Variants in BACH2 observed in about 807,000 individuals in gnomAD.
The protein encoded by BACH2 is transcription regulator protein BACH2.
BACH2 carries 5 observed loss-of-function variants against 61.8 expected under a neutral mutation model. The observed-to-expected ratio is 0.08, with a 90% confidence interval of 0.04 to 0.17. BACH2 has a LOEUF of 0.17. Ranked by LOEUF, BACH2 falls within the 10% of genes least tolerant of loss-of-function variation. The probability of loss-of-function intolerance (pLI) is 1.00; values close to 1 mark genes in which losing one functional copy is unlikely to be tolerated. For synonymous variants in BACH2, 446 were observed against 440.1 expected, an observed-to-expected ratio of 1.01 and a Z score of -0.17; for missense variants, 824 against 1,091.1, an observed-to-expected ratio of 0.76 and a Z score of 3.45.
intron 4 of BACH2, among the ~76,000 whole-genome samples, chr6:90,177,269 G>C (rs1768011979): frequency 6.6e-6 from 1 of 152,096 alleles, no homozygotes; most frequent in African/African-American, 2.4e-5. Context: ...CTACACTGCA[G>C]ACTACTTGAG....
At chr6:90,085,452 G>C (rs1252003539) in intron 5 of BACH2, among the ~76,000 whole-genome samples, 1 of 152,156 alleles carries the variant, frequency 6.6e-6, no homozygotes, top group African/African-American at 2.4e-5. Flanking sequence ...GGAGGAACTG[G>C]AGCAGCCCCA....
chr6:90,223,454 A>G (rs960521570), intron 3 of BACH2, among the ~76,000 whole-genome samples: 4 of 152,148 alleles, frequency 2.6e-5, no homozygotes, highest in African/African-American at 9.7e-5. Flanking sequence ...TGGGGCTTTC[A>G]GATAGTAAGG....
chr6:90,084,785 G>A (rs1174423205), intron 5 of BACH2, among the ~76,000 whole-genome samples: 1 of 151,756 alleles, frequency 6.6e-6, no homozygotes, highest in Non-Finnish European at 1.5e-5. Flanking sequence ...TCTGCTATAG[G>A]GCCTCTGTAA....
At chr6:90,045,188 T>C (rs1779720800) in intron 5 of BACH2, among the ~76,000 whole-genome samples, 1 of 152,214 alleles carries the variant, frequency 6.6e-6, no homozygotes, top group African/African-American at 2.4e-5. Context: ...TCTAGATGGC[T>C]AATCCAGACT....
At chr6:89,978,472 T>C (rs181938491) in intron 6 of BACH2, among the ~76,000 whole-genome samples, 2 of 152,234 alleles carry the variant, frequency 1.3e-5, no homozygotes, top group Admixed American at 1.3e-4. Flanking sequence ...TAATTAACTA[T>C]AGGCTTCTCG....
chr6:89,962,039 T>C (rs1331859968), intron 6 of BACH2, among the ~76,000 whole-genome samples: 1 of 152,226 alleles, frequency 6.6e-6, no homozygotes, highest in Non-Finnish European at 1.5e-5. Flanking sequence ...AAAACTACTA[T>C]TCAGTCAAAT....
chr6:90,157,393 A>G (rs530052964), intron 4 of BACH2, among the ~76,000 whole-genome samples: 66 of 152,346 alleles, frequency 4.3e-4, no homozygotes, highest in African/African-American at 1.5e-3. Context: ...TTATTCATTC[A>G]CTCATGATAT....
chr6:90,049,548 G>A (rs756488282), intron 5 of BACH2, among the ~76,000 whole-genome samples: 6 of 152,198 alleles, frequency 3.9e-5, no homozygotes, highest in Non-Finnish European at 7.3e-5. Context: ...GATGCTGTAT[G>A]TCTTTTTCAC....
chr6:89,937,113 G>C (rs1773072196), intron 8 of BACH2, among the ~76,000 whole-genome samples: 1 of 152,070 alleles, frequency 6.6e-6, no homozygotes, highest in South Asian at 2.1e-4. Context: ...GGGAGCCTGG[G>C]AGACGGGAGT....
intron 1 of BACH2, among the ~76,000 whole-genome samples, chr6:90,279,522 C>CAAAAA (rs10637718): frequency 8.1e-6 from 1 of 124,190 alleles, no homozygotes; most frequent in African/African-American, 3.0e-5. Flanking sequence ...GACTCCGTCT[C>CAAAAA]AAAAAAAAAA....
chr6:90,182,224 T>TAA (rs1768189842), intron 4 of BACH2, among the ~76,000 whole-genome samples: 1 of 152,128 alleles, frequency 6.6e-6, no homozygotes, highest in African/African-American at 2.4e-5. Flanking sequence ...CAAAGACACT[T>TAA]TTCTCTCTCT....
At position 90,038,476 on chromosome 6, in the gene BACH2, A is replaced by T. The variant is rs555700309; in HGVS notation, c.-12-29620T>A. On this transcript the variant is annotated intron_variant, in intron 5 of 8. Coordinates refer to ENST00000257749, the MANE Select transcript of BACH2 (RefSeq NM_021813.4). ...GTGAGGTTCATCCATGTTGTTGTGT[A>T]TAAGAGTGGTTTCTTCTAAAGATGG... is the stretch of plus-strand genomic sequence containing the variant. Among the ~76,000 whole-genome samples, 10 of 152,324 alleles carry T rather than the reference A, an allele frequency of 6.6e-5. No homozygotes were observed. In the South Asian group the frequency reaches 1.9e-3, roughly 28 times the overall value.
At chr6:90,158,721 T>C (rs1056611732) in intron 4 of BACH2, among the ~76,000 whole-genome samples, 2 of 143,670 alleles carry the variant, frequency 1.4e-5, no homozygotes, top group African/African-American at 2.6e-5. Context: ...GAGGTAACGA[T>C]ATGGAGATGG....
rs987741782 is a variant in BACH2 at position 90,131,272 on chromosome 6, T to C, written c.-161-42163A>G. On this transcript the variant is annotated intron_variant, in intron 4 of 8. Coordinates refer to ENST00000257749, the MANE Select transcript of BACH2 (RefSeq NM_021813.4). The stretch of plus-strand genomic sequence containing the variant: ...CAGAAATTCCACACTCACAGCCTGC[T>C]TCAAGTCCTGTGTCAGCTGCTGAAT... 5.2e-4 allele frequency among the ~76,000 whole-genome samples: 79 copies of C among 152,242 alleles called. 1 individual carries two copies. The highest frequency in any genetic ancestry group is 1.8e-3 in the African/African-American group (74 of 41,466).
At chr6:90,011,891 G>T (rs1283170300) in intron 5 of BACH2, among the ~76,000 whole-genome samples, 3 of 150,014 alleles carry the variant, frequency 2.0e-5, no homozygotes, top group African/African-American at 4.9e-5. Context: ...CTGCACTCCA[G>T]CCTGGGTGAC....
At chr6:90,156,816 T>C (rs1785010055) in intron 4 of BACH2, among the ~76,000 whole-genome samples, 2 of 152,074 alleles carry the variant, frequency 1.3e-5, no homozygotes, top group South Asian at 2.1e-4. Context: ...TGGAGAAAAG[T>C]AGGGTCTAAA....
In BACH2 at chr6:90,254,595, A is replaced by G. The variant is rs6902722; in HGVS notation, c.-352-2005T>C. 6.5e-3 allele frequency among the ~76,000 whole-genome samples: 986 copies of G among 152,090 alleles called. 9 individuals are homozygous for G. Among genetic ancestry groups the G allele is most frequent in the African/African-American group, 0.023 (941 of 41,526 alleles). ...AAATAAAAAGGACCTAGAGCAGAAA[A>G]ATAGCTTATACATAGTATCTATATA... On this transcript the variant is annotated intron_variant, in intron 2 of 8. Coordinates refer to ENST00000257749, the MANE Select transcript of BACH2 (RefSeq NM_021813.4).
chr6:90,023,049 T>G (rs1030837243), intron 5 of BACH2, among the ~76,000 whole-genome samples: 1 of 152,234 alleles, frequency 6.6e-6, no homozygotes, highest in African/African-American at 2.4e-5. Context: ...TAGAGCCACA[T>G]GCAGCAACGT....
chr6:90,062,168 T>C lies in BACH2; in HGVS notation c.-13+26793A>G, dbSNP rs6902212. 8.7e-3 allele frequency among the ~76,000 whole-genome samples: 1,329 copies of C among 152,246 alleles called. 18 individuals carry two copies. Among genetic ancestry groups the C allele is most frequent in the African/African-American group, 0.03 (1,241 of 41,538 alleles). On this transcript the variant is annotated intron_variant, in intron 5 of 8. Transcript: ENST00000257749. The stretch of plus-strand genomic sequence containing the variant: ...AGTCTTTAAGAGGTGACGTGGAACA[T>C]GTGTGTGGCGTGAGCCATCATATGA...
Sources: allele counts gnomAD v4.1 joint callset (sites outside exome capture counted in the v4.1 genomes callset), GRCh38; gene constraint gnomAD v4.1.1; transcripts MANE v1.5; gene names NCBI Gene and HGNC (gene_info 2026-07-23, HGNC 2026-07-21).